LRP1: variants seen among roughly 807,000 people sequenced by gnomAD.
The protein encoded by LRP1 is prolow-density lipoprotein receptor-related protein 1.
Under a neutral mutation model 541.5 loss-of-function variants are expected in LRP1, and 51 were observed. That is an observed-to-expected ratio of 0.09 (90% CI 0.08 to 0.12). The LOEUF (loss-of-function observed/expected upper bound fraction) is 0.12, where lower values mean the gene tolerates loss of function less well. Among genes scored for constraint, LRP1 ranks in the 10% least tolerant of loss-of-function variants. The probability of loss-of-function intolerance (pLI) is 1.00; values close to 1 mark genes in which losing one functional copy is unlikely to be tolerated. For missense variants in LRP1, 3,878 were observed against 6,376.2 expected, an observed-to-expected ratio of 0.61 and a Z score of 13.34; for synonymous variants, 2,219 against 2,470.8, an observed-to-expected ratio of 0.90 and a Z score of 3.02.
chr12:57,145,200 A>G, intron 5 of LRP1, 27 bp from the exon 6 acceptor site: 1 of 1,613,832 alleles, frequency 6.2e-7, no homozygotes, highest in Non-Finnish European at 8.5e-7. Context: ...CCCTGGCTGC[A>G]CGGACTCTTC....
In LRP1 at chr12:57,177,706, G is replaced by A. The variant is rs978834772; in HGVS notation, c.4361+115G>A. On this transcript the variant is annotated intron_variant, in intron 26 of 88. Coordinates refer to ENST00000243077, the MANE Select transcript of LRP1 (RefSeq NM_002332.3). This position sits in a 1 kb window ranked among gnomAD's most constrained non-coding sequence, Gnocchi z 6.8. The stretch of plus-strand genomic sequence containing the variant: ...GACCAAGGGATCTAGAACTAGGAAC[G>A]GTGGCAAAGGACTGGGCACAGGAGG... The A allele has an allele frequency of 5.6e-6, 7 of 1,261,210 alleles. No individual in the cohort carries two copies. The highest frequency in any genetic ancestry group is 1.4e-5 in the South Asian group (1 of 70,494). The allele number at this position is 1,261,210 out of a possible 1,614,324, so 78.1% of individuals were successfully genotyped here.
At chr12:57,138,769 G>T (rs1316974106) in intron 2 of LRP1, among the ~76,000 whole-genome samples, 188 bp downstream of exon 2, 2 of 152,190 alleles carry the variant, frequency 1.3e-5, no homozygotes, top group Non-Finnish European at 2.9e-5. Flanking sequence ...TGCCTGTTGG[G>T]CTTAGAAATG....
chr12:57,198,428 C>T (rs767497787), intron 59 of LRP1, 37 bp from the exon 60 acceptor site: 26 of 1,608,374 alleles, frequency 1.6e-5, no homozygotes, highest in East Asian at 4.5e-5. Flanking sequence ...CGATGGGTTA[C>T]GGGATCTCCC....
chr12:57,202,542 G>GGGGGGGGCCC lies in LRP1; in HGVS notation c.10711+5_10711+6insGGGGGGGCCC. The stretch of plus-strand genomic sequence containing the variant: ...ACTCCGATGAAGAGAGCTGCAGTAC[G>GGGGGGGGCCC]TCCCCACCCACCCAGCCCCGCATGA... On this transcript the variant is annotated splice_donor_region_variant and intron_variant, in intron 68 of 88. Transcript: ENST00000243077. 2.6e-6 allele frequency: 4 copies of GGGGGGGGCCC among 1,563,824 alleles called. No individual in the cohort carries two copies. The highest frequency in any genetic ancestry group is 2.4e-5 in the East Asian group (1 of 42,382).
At chr12:57,195,191 C>T (rs758800585) in intron 51 of LRP1, 80 bp from the exon 52 acceptor site, 124 of 1,570,780 alleles carry the variant, frequency 7.9e-5, no homozygotes, top group East Asian at 5.3e-4. Context: ...CCCCTGCAGA[C>T]GACGGCGAAC....
rs919397297 is a variant in LRP1, at chr12:57,163,386, C to T, written c.2530+403C>T. On this transcript the variant is annotated intron_variant, in intron 15 of 88. Coordinates refer to ENST00000243077, the MANE Select transcript of LRP1 (RefSeq NM_002332.3). ...TTGAGGTCAAGAGTTTAAGACCAGC[C>T]TGGTCAACAAGGCAAAACCCCATCT... Among the ~76,000 whole-genome samples the T allele has an allele frequency of 2.0e-5, 3 of 152,068 alleles. No homozygotes were observed. In the East Asian group the frequency reaches 5.8e-4, roughly 29 times the overall value.
At chr12:57,157,721 G>C (rs1012848876) in intron 10 of LRP1, among the ~76,000 whole-genome samples, 3 of 152,242 alleles carry the variant, frequency 2.0e-5, no homozygotes, top group Non-Finnish European at 4.4e-5. Context: ...AAATGAAGAG[G>C]GCAACCATGT....
rs373173236 is a variant in LRP1 at position 57,169,288 on chromosome 12, C to T, written c.3144C>T (p.His1048=). 1.5e-4 allele frequency: 235 copies of T among 1,608,644 alleles called. No homozygotes were observed. Among genetic ancestry groups the T allele is most frequent in the South Asian group, 1.9e-4 (17 of 90,946 alleles). Residue 1048 remains histidine, a synonymous_variant, in exon 20 of 89, where the codon CAC becomes CAT. Coordinates refer to ENST00000243077, the MANE Select transcript of LRP1 (RefSeq NM_002332.3). ...GCGGAGACTACAGTGATGAGACACA[C>T]GCCAACTGCACCAACCAGGGTGGGC... is the stretch of plus-strand genomic sequence containing the variant. ...NDCGDYSDET[H]ANCTNQATRP...
Position 57,210,138 on chromosome 12 carries a change from G to T in LRP1, c.12549G>T (p.Val4183=). The T allele has an allele frequency of 6.2e-7, 1 of 1,610,188 alleles. No homozygotes were observed. Among genetic ancestry groups the T allele is most frequent in the East Asian group, 2.2e-5 (1 of 44,834 alleles). ...NGKRLDNGTC[V]PVPSPTPPPD... is the part of the protein sequence containing the mutation. ...AGCGGCTGGACAACGGCACATGCGT[G>T]CCTGTGCCCTCTCCAACGCCCCCCC... is the stretch of plus-strand genomic sequence containing the variant. The change falls in exon 81 of 89, where the codon GTG becomes GTT. Residue 4183 remains valine, a synonymous_variant. Coordinates refer to ENST00000243077, the MANE Select transcript of LRP1 (RefSeq NM_002332.3).
In LRP1 at chr12:57,196,106, G is replaced by C. The variant is rs757458534; in HGVS notation, c.8721G>C (p.Ser2907=). 2.5e-6 allele frequency: 4 copies of C among 1,605,784 alleles called. No homozygotes were observed. Among genetic ancestry groups the C allele is most frequent in the Admixed American group, 3.3e-5 (2 of 59,814 alleles). ...CCGCAGAGCACAAGTGCAATGCCTCGTCACAGTTCCTGTGCAGCAGTGGGC... is the reference window on the plus strand; with the variant it reads ...CCGCAGAGCACAAGTGCAATGCCTCCTCACAGTTCCTGTGCAGCAGTGGGC... ...CTSQEHKCNA[S]SQFLCSSGRC... Residue 2907 remains serine, a synonymous_variant, in exon 55 of 89, where the codon TCG becomes TCC. Transcript: ENST00000243077.
intron 44 of LRP1, among the ~76,000 whole-genome samples, chr12:57,192,381 G>A (rs1245255031): frequency 9.9e-5 from 15 of 152,096 alleles, no homozygotes; most frequent in East Asian, 5.8e-4. Context: ...CCATGCCCTC[G>A]GTGCCCCTAC....
chr12:57,205,032 A>G lies in LRP1; in HGVS notation c.11195-77A>G. The stretch of plus-strand genomic sequence containing the variant: ...CCTTGTCACTTAGGAATTGGGAGCC[A>G]CTGTTATCTATGGGGTTGCCGTGGG... On this transcript the variant is annotated intron_variant, in intron 72 of 88. Transcript: ENST00000243077. This position sits in a 1 kb window ranked among gnomAD's most constrained non-coding sequence, Gnocchi z 4.6. The G allele has an allele frequency of 6.5e-7, 1 of 1,528,874 alleles. No individual in the cohort carries two copies. The highest frequency in any genetic ancestry group is 8.8e-7 in the Non-Finnish European group (1 of 1,134,566). The allele number at this position is 1,528,874 out of a possible 1,614,324, so 94.7% of individuals were successfully genotyped here. A position where few individuals can be genotyped will look rare whatever the true frequency, so the allele number is the denominator to read the frequency against.
In LRP1 at chr12:57,154,674, C is replaced by A. The variant is rs1161375853; in HGVS notation, c.1200C>A (p.Gly400=). 1.3e-6 allele frequency: 2 copies of A among 1,569,792 alleles called. No individual in the cohort carries two copies. The highest frequency in any genetic ancestry group is 1.7e-6 in the Non-Finnish European group (2 of 1,157,036). ...YIEVVDYEGK[G]RQTIIQGILI... is the part of the protein sequence containing the mutation. ...AAGTGGTGGACTATGAGGGCAAGGG[C>A]CGCCAGACCATCATCCAGGGCATCC... is the stretch of plus-strand genomic sequence containing the variant. Residue 400 remains glycine, a synonymous_variant, in exon 8 of 89, where the codon GGC becomes GGA. Transcript: ENST00000243077. This position sits in a 1 kb window ranked among gnomAD's most constrained non-coding sequence, Gnocchi z 4.6.
rs201697001 is a variant in LRP1 at position 57,145,323 on chromosome 12, C to T, written c.674C>T (p.Thr225Met). 157 of 1,614,150 alleles carry T rather than the reference C, an allele frequency of 9.7e-5. No homozygotes were observed. Among genetic ancestry groups the T allele is most frequent in the South Asian group, 2.5e-4 (23 of 91,084 alleles). ...SGAQVSTITP[T>M]STRQTTAMDF... Reference sequence around the variant, plus strand: ...GCCCAGGTGTCTACCATCACACCTACGAGCACGCGGCAGACCACAGCCATG... The same window carrying T: ...GCCCAGGTGTCTACCATCACACCTATGAGCACGCGGCAGACCACAGCCATG... Residue 225 changes from threonine (T) to methionine (M), a missense_variant, in exon 6 of 89, where the codon ACG (threonine) becomes ATG (methionine). This residue lies in a region of LRP1 where 293 missense variants were observed against 403.7 expected (regional missense o/e 0.73). Transcript: ENST00000243077.
chr12:57,207,459 C>G (rs189187739), intron 76 of LRP1, among the ~76,000 whole-genome samples: 1 of 151,076 alleles, frequency 6.6e-6, no homozygotes, highest in African/African-American at 2.4e-5. Flanking sequence ...GAGTGCCACT[C>G]GGTTGCAGTG....
In LRP1 at chr12:57,206,100, G is replaced by C. The variant is rs547558241; in HGVS notation, c.11591-373G>C. 6.6e-6 allele frequency among the ~76,000 whole-genome samples: 1 copy of C among 152,206 alleles called. No homozygotes were observed. Among genetic ancestry groups the C allele is most frequent in the South Asian group, 2.1e-4 (1 of 4,822 alleles). ...ACCATGCACTCCCATGCACACCCTCGTGCTCCATGCCAAGCACACACACCC... is the reference window on the plus strand; with the variant it reads ...ACCATGCACTCCCATGCACACCCTCCTGCTCCATGCCAAGCACACACACCC... On this transcript the variant is annotated intron_variant, in intron 75 of 88. Coordinates refer to ENST00000243077, the MANE Select transcript of LRP1 (RefSeq NM_002332.3). This position sits in a 1 kb window ranked among gnomAD's most constrained non-coding sequence, Gnocchi z 4.7.
chr12:57,186,402 G>A (rs1274379413), intron 41 of LRP1, among the ~76,000 whole-genome samples: 1 of 152,210 alleles, frequency 6.6e-6, no homozygotes, highest in Non-Finnish European at 1.5e-5. Context: ...TCACAGGACA[G>A]CCTTTCAGCT....
intron 6 of LRP1, among the ~76,000 whole-genome samples, chr12:57,153,543 C>T (rs2035564680): frequency 6.6e-6 from 1 of 152,178 alleles, no homozygotes; most frequent in Non-Finnish European, 1.5e-5. Context: ...TTCCCCACCT[C>T]TTCTGACCCT....
intron 34 of LRP1, among the ~76,000 whole-genome samples, chr12:57,182,635 G>A (rs2036187696): frequency 6.6e-6 from 1 of 151,832 alleles, no homozygotes; most frequent in Non-Finnish European, 1.5e-5. Flanking sequence ...TGACCAACAC[G>A]GAGAAACCCT....
Sources: gnomAD v4.1 joint callset for allele counts (sites outside exome capture counted in the v4.1 genomes callset) on GRCh38, gnomAD v4.1.1 for gene constraint, gnomAD v4.1.1 regional missense constraint, Gnocchi (gnomAD v3.1) non-coding constraint, MANE v1.5 for transcripts, NCBI Gene and HGNC (gene_info 2026-07-23, HGNC 2026-07-21) for gene names.